SYT16: variants seen among roughly 807,000 people sequenced by gnomAD.
The protein encoded by SYT16 is synaptotagmin-16.
In SYT16, 42 loss-of-function variants were observed where a neutral mutation model predicts 61.4. The observed-to-expected ratio is 0.68, with a 90% CI of 0.53 to 0.89. The LOEUF (loss-of-function observed/expected upper bound fraction) is 0.89. Among genes scored for constraint, SYT16 ranks in the 40% least tolerant of loss-of-function variants. The pLI is 0.00. For missense variants in SYT16, 804 were observed against 807.3 expected (o/e 1.00, Z 0.05); for synonymous variants, 314 against 302.3 (o/e 1.04, Z -0.40).
chr14:62,100,469 G>T lies in SYT16; in HGVS notation c.1700G>T (p.Gly567Val), dbSNP rs560844182. 2 of 1,613,494 alleles carry T rather than the reference G, an allele frequency of 1.2e-6. No individual in the cohort carries two copies. Among genetic ancestry groups the T allele is most frequent in the South Asian group, 1.1e-5 (1 of 90,980 alleles). Residue 567 changes from glycine (G) to valine (V), a missense_variant, in exon 8 of 8, where the codon GGT (glycine) becomes GTT (valine). Gly to Val is a moderately radical substitution (Grantham distance 109). Coordinates refer to ENST00000683842, the MANE Select transcript of SYT16 (RefSeq NM_001367656.1). The stretch of plus-strand genomic sequence containing the variant: ...CGTTGCAAGACGTCCATTCGGCGTG[G>T]TCAGCCCAATCCTGTCTATAAGGAG... ...MSRCKTSIRR[G>V]QPNPVYKETF... is the part of the protein sequence containing the mutation.
At chr14:61,821,405 G>A (rs928129549) in intron 1 of SYT16, among the ~76,000 whole-genome samples, 22 of 152,128 alleles carry the variant, frequency 1.4e-4, no homozygotes, top group African/African-American at 5.3e-4. Context: ...ACACTTATCT[G>A]TCATTCCACA....
At chr14:61,839,158 G>A (rs2046225850) in intron 1 of SYT16, among the ~76,000 whole-genome samples, 1 of 152,194 alleles carries the variant, frequency 6.6e-6, no homozygotes, top group Non-Finnish European at 1.5e-5. Flanking sequence ...TCATGTGTTG[G>A]AAACGTAATC....
chr14:61,837,257 G>A (rs752511587), intron 1 of SYT16, among the ~76,000 whole-genome samples: 23 of 132,154 alleles, frequency 1.7e-4, no homozygotes, highest in Non-Finnish European at 3.0e-4. Flanking sequence ...TTTTTTTTGA[G>A]ACAGGGTCTT....
chr14:62,060,472 T>C (rs2055776829), intron 3 of SYT16, among the ~76,000 whole-genome samples: 1 of 151,808 alleles, frequency 6.6e-6, no homozygotes, highest in Non-Finnish European at 1.5e-5. Flanking sequence ...CCTACACTCC[T>C]TTTCTTTCAT....
chr14:61,836,530 C>T (rs2046135300), intron 1 of SYT16, among the ~76,000 whole-genome samples: 1 of 152,218 alleles, frequency 6.6e-6, no homozygotes, highest in Non-Finnish European at 1.5e-5. Flanking sequence ...CATTCTCCTA[C>T]ATTCCTTCCC....
chr14:62,088,826 T>C (rs2056973420), intron 7 of SYT16, among the ~76,000 whole-genome samples: 1 of 152,148 alleles, frequency 6.6e-6, no homozygotes, highest in Non-Finnish European at 1.5e-5. Flanking sequence ...ATATTCTATA[T>C]ATTTTAAATT....
rs984896980 is a variant in SYT16 at position 62,103,117 on chromosome 14, G to T, written c.*2410G>T. On this transcript the variant is annotated 3_prime_UTR_variant, in exon 8 of 8. Coordinates refer to ENST00000683842, the MANE Select transcript of SYT16 (RefSeq NM_001367656.1). ...AAGACAAGATATATAACAATATGTG[G>T]CTGATTTTTTTTACCTTTATTTGAA... 2.0e-5 allele frequency: 3 copies of T among 152,128 alleles called. No homozygotes were observed. Among genetic ancestry groups the T allele is most frequent in the African/African-American group, 7.2e-5 (3 of 41,420 alleles). The allele number at this position is 152,128 out of a possible 1,614,324, so 9.4% of individuals were successfully genotyped here.
chr14:61,950,207 T>A (rs576640918), intron 1 of SYT16, among the ~76,000 whole-genome samples: 163 of 152,356 alleles, frequency 1.1e-3, no homozygotes, highest in Non-Finnish European at 2.1e-3. Flanking sequence ...CCTCTTTACA[T>A]CTTTCAAAAA....
At chr14:61,998,506 T>C (rs1026391106) in intron 3 of SYT16, among the ~76,000 whole-genome samples, 12 of 152,040 alleles carry the variant, frequency 7.9e-5, no homozygotes, top group Admixed American at 2.0e-4. Context: ...GATTCATCCA[T>C]GGTGTTGTGT....
intron 1 of SYT16, among the ~76,000 whole-genome samples, chr14:61,920,266 T>A (rs2049279730): frequency 6.6e-6 from 1 of 152,220 alleles, no homozygotes; most frequent in African/African-American, 2.4e-5. Flanking sequence ...TTTTAAAATT[T>A]ATTTTACTTT....
Position 62,084,438 on chromosome 14 carries a change from G to T in SYT16, c.1624+53G>T, listed in dbSNP as rs967332883. The T allele has an allele frequency of 4.5e-6, 7 of 1,546,428 alleles. No homozygotes were observed. In the East Asian group the frequency reaches 1.4e-4, roughly 31 times the overall value. ...TGGTTCTTCCAGAGGCAAGTGGAAAGCCCTGTCTGCTTTCATCTTAGTTCT... is the reference window on the plus strand; with the variant it reads ...TGGTTCTTCCAGAGGCAAGTGGAAATCCCTGTCTGCTTTCATCTTAGTTCT... On this transcript the variant is annotated intron_variant, in intron 7 of 7. Transcript: ENST00000683842.
chr14:61,996,496 C>T lies in SYT16; in HGVS notation c.477C>T (p.Asp159=), dbSNP rs1889806. ...KQRSGLQHGF[D]SQLPGTLETV... Reference sequence around the variant, plus strand: ...GAAGTGGCCTTCAACATGGCTTTGACAGCCAGCTCCCTGGTACTTTAGAAA... The same window carrying T: ...GAAGTGGCCTTCAACATGGCTTTGATAGCCAGCTCCCTGGTACTTTAGAAA... The change falls in exon 3 of 8, where the codon GAC becomes GAT. Residue 159 remains aspartate (D), a synonymous_variant. Transcript: ENST00000683842. The T allele has an allele frequency of 0.43, 691,769 of 1,612,014 alleles. 154,482 individuals carry two copies. Among genetic ancestry groups the T allele is most frequent in the East Asian group, 0.78 (35,040 of 44,824 alleles).
intron 3 of SYT16, among the ~76,000 whole-genome samples, chr14:62,033,993 A>G (rs1219973612): frequency 6.6e-6 from 1 of 152,188 alleles, no homozygotes; most frequent in Non-Finnish European, 1.5e-5. Flanking sequence ...ATGTGTAAAG[A>G]GTTATTACAG....
At chr14:61,867,310 G>C in intron 1 of SYT16, among the ~76,000 whole-genome samples, 1 of 151,858 alleles carries the variant, frequency 6.6e-6, no homozygotes, top group East Asian at 1.9e-4. Context: ...TTTCTTGTTT[G>C]TACGTTAAAA....
intron 5 of SYT16, among the ~76,000 whole-genome samples, chr14:62,077,064 T>C (rs1168927263): frequency 6.6e-6 from 1 of 152,262 alleles, no homozygotes; most frequent in Non-Finnish European, 1.5e-5. Context: ...CTGCCTGCTT[T>C]GCAGGCTTAG....
At chr14:61,976,140 C>T (rs1275233511) in intron 2 of SYT16, among the ~76,000 whole-genome samples, 1 of 152,198 alleles carries the variant, frequency 6.6e-6, no homozygotes, top group African/African-American at 2.4e-5. Flanking sequence ...TCCTTTGACT[C>T]CATGTCTCGC....
rs1399870453 is a variant in SYT16 at position 62,048,094 on chromosome 14, G to T, written c.524-21509G>T. Among the ~76,000 whole-genome samples, 5 of 152,142 alleles carry T rather than the reference G, an allele frequency of 3.3e-5. No individual in the cohort carries two copies. The South Asian group carries it at 1.0e-3, about 32-fold the overall frequency. ...ACCTCTGGTAGAATTTGGCTGTGAA[G>T]CCATCTGGTCCTGGATTTTTTTTGG... On this transcript the variant is annotated intron_variant, in intron 3 of 7. Transcript: ENST00000683842.
intron 1 of SYT16, among the ~76,000 whole-genome samples, chr14:61,862,573 A>G (rs2046998633): frequency 1.3e-5 from 2 of 152,178 alleles, no homozygotes; most frequent in Admixed American, 1.3e-4. Flanking sequence ...CTTCACTATC[A>G]GCATCTCCCA....
At chr14:61,835,014 C>A (rs1256637162) in intron 1 of SYT16, among the ~76,000 whole-genome samples, 1 of 152,108 alleles carries the variant, frequency 6.6e-6, no homozygotes, top group African/African-American at 2.4e-5. Context: ...TTTTATAAAT[C>A]CTGACCTTTT....
Sources: gnomAD v4.1 joint callset for allele counts (sites outside exome capture counted in the v4.1 genomes callset) on GRCh38, gnomAD v4.1.1 for gene constraint, MANE v1.5 for transcripts, NCBI Gene and HGNC (gene_info 2026-07-23, HGNC 2026-07-21) for gene names.